MEGF10: variants seen among roughly 807,000 people sequenced by gnomAD.
MEGF10 encodes the protein multiple epidermal growth factor-like domains protein 10.
A neutral mutation model predicts 147.5 loss-of-function variants in MEGF10; 86 were observed. The ratio of observed to expected loss-of-function variants is 0.58; its 90% CI spans 0.49 to 0.70. MEGF10 has a LOEUF of 0.70. Among genes scored for constraint, MEGF10 ranks in the 30% least tolerant of loss-of-function variants. The pLI, the probability that MEGF10 is intolerant of heterozygous loss-of-function variation, is 0.00. For synonymous variants in MEGF10, 478 were observed against 525.5 expected, an observed-to-expected ratio of 0.91 and a Z score of 1.24; for missense variants, 1,329 against 1,487.3, an observed-to-expected ratio of 0.89 and a Z score of 1.75.
intron 5 of MEGF10, among the ~76,000 whole-genome samples, chr5:127,375,162 T>C (rs1762978749): frequency 6.6e-6 from 1 of 152,232 alleles, no homozygotes; most frequent in Admixed American, 6.5e-5. Flanking sequence ...CTCCTTTTAC[T>C]GACATTAGGA....
chr5:127,292,658 G>A (rs1186019519), intron 1 of MEGF10, among the ~76,000 whole-genome samples: 1 of 152,214 alleles, frequency 6.6e-6, no homozygotes, highest in Non-Finnish European at 1.5e-5. Flanking sequence ...AATTTATAGG[G>A]TGGTGGGTCA....
the MEGF10 span, among the ~76,000 whole-genome samples, chr5:127,268,674 C>T: frequency 3.3e-5 from 5 of 152,184 alleles, no homozygotes; most frequent in Middle Eastern, 3.2e-3. Flanking sequence ...AGGGCATAGC[C>T]GAACAAAAGG....
the MEGF10 span, among the ~76,000 whole-genome samples, chr5:127,258,572 G>A: frequency 2.0e-5 from 3 of 152,128 alleles, no homozygotes; most frequent in East Asian, 1.9e-4. Context: ...CCCTTACCTA[G>A]TGCTAAGGTT....
At chr5:127,390,073 C>T (rs544991815) in intron 5 of MEGF10, among the ~76,000 whole-genome samples, 1 of 152,196 alleles carries the variant, frequency 6.6e-6, no homozygotes, top group East Asian at 1.9e-4. Context: ...CCTGGTTAAA[C>T]CAAATGAATA....
chr5:127,298,050 A>G (rs1030435848), intron 1 of MEGF10, among the ~76,000 whole-genome samples: 2 of 152,224 alleles, frequency 1.3e-5, no homozygotes, highest in East Asian at 1.9e-4. Context: ...AAATGCCACC[A>G]AATGTGTGGC....
At chr5:127,395,630 C>T (rs963376026) in intron 5 of MEGF10, among the ~76,000 whole-genome samples, 18 of 149,848 alleles carry the variant, frequency 1.2e-4, no homozygotes, top group African/African-American at 3.7e-4. Flanking sequence ...CTGCCAGCTC[C>T]GCCTCCCGGG....
chr5:127,447,685 G>A lies in MEGF10; in HGVS notation c.2856+1G>A. ...CAGGGACAGGATGACTGTCACGAAG[G>A]TGAGAGGAATTGGTTCAAGTCTTTG... On this transcript the variant is annotated splice_donor_variant, in intron 21 of 24. Transcript: ENST00000503335. LOFTEE classifies it high-confidence loss of function. The A allele has an allele frequency of 6.2e-7, 1 of 1,614,082 alleles. No individual in the cohort carries two copies. The highest frequency in any genetic ancestry group is 8.5e-7 in the Non-Finnish European group (1 of 1,179,958).
At chr5:127,322,255 A>G (rs1196648428) in intron 1 of MEGF10, among the ~76,000 whole-genome samples, 1 of 152,098 alleles carries the variant, frequency 6.6e-6, no homozygotes, top group East Asian at 1.9e-4. Flanking sequence ...ATCTCAAGCC[A>G]TAATATTCAT....
intron 13 of MEGF10, among the ~76,000 whole-genome samples, chr5:127,430,495 C>T (rs962379446): frequency 3.3e-5 from 5 of 152,154 alleles, no homozygotes; most frequent in African/African-American, 9.7e-5. Flanking sequence ...GAAACACTTA[C>T]CCAACACTCT....
At chr5:127,322,236 C>G (rs1436251918) in intron 1 of MEGF10, among the ~76,000 whole-genome samples, 1 of 152,002 alleles carries the variant, frequency 6.6e-6, no homozygotes, top group Non-Finnish European at 1.5e-5. Flanking sequence ...GATGTTTCAC[C>G]TTGAGTAAAT....
chr5:127,406,377 T>C (rs553709620), intron 8 of MEGF10, among the ~76,000 whole-genome samples: 28 of 152,346 alleles, frequency 1.8e-4, no homozygotes, highest in African/African-American at 6.7e-4. Context: ...GCCAGTGACA[T>C]GATTCCTGTT....
intron 2 of MEGF10, among the ~76,000 whole-genome samples, chr5:127,335,791 C>T (rs556514919): frequency 6.6e-6 from 1 of 152,030 alleles, no homozygotes; most frequent in South Asian, 2.1e-4. Flanking sequence ...TAAAGAAGCA[C>T]AACAACATGC....
chr5:127,441,054 C>T (rs1455575022), intron 18 of MEGF10, among the ~76,000 whole-genome samples, 187 bp downstream of exon 18: 2 of 152,228 alleles, frequency 1.3e-5, no homozygotes, highest in Non-Finnish European at 2.9e-5. Flanking sequence ...TCGCTGGTTA[C>T]TCACTGCTCT....
intron 8 of MEGF10, among the ~76,000 whole-genome samples, chr5:127,406,105 C>A (rs1764310417): frequency 6.6e-6 from 1 of 152,064 alleles, no homozygotes; most frequent in South Asian, 2.1e-4. Flanking sequence ...ATATTTTAGG[C>A]CACTAAAATG....
At chr5:127,238,199 A>G in the MEGF10 span, among the ~76,000 whole-genome samples, 9 of 151,702 alleles carry the variant, frequency 5.9e-5, no homozygotes, top group Non-Finnish European at 1.3e-4. Context: ...GGGACTACAG[A>G]CATGCACCAC....
At chr5:127,282,048 T>C in the MEGF10 span, among the ~76,000 whole-genome samples, 8 of 152,218 alleles carry the variant, frequency 5.3e-5, no homozygotes, top group Admixed American at 4.6e-4. Context: ...TTGAAATGTG[T>C]GGGGAGAGTA....
At chr5:127,375,614 C>T (rs1762996057) in intron 5 of MEGF10, among the ~76,000 whole-genome samples, 1 of 152,080 alleles carries the variant, frequency 6.6e-6, no homozygotes, top group Non-Finnish European at 1.5e-5. Flanking sequence ...CTATTTTATC[C>T]CATCTCCTTC....
chr5:127,313,690 T>C (rs1760396388), intron 1 of MEGF10, among the ~76,000 whole-genome samples: 1 of 152,220 alleles, frequency 6.6e-6, no homozygotes, highest in Non-Finnish European at 1.5e-5. Flanking sequence ...AAATGTAAAA[T>C]CAGCAATGTA....
At chr5:127,359,512 C>G (rs1055005444) in intron 4 of MEGF10, among the ~76,000 whole-genome samples, 1 of 152,120 alleles carries the variant, frequency 6.6e-6, no homozygotes, top group Non-Finnish European at 1.5e-5. Context: ...AATGTTTCCT[C>G]ATACCCTTTT....
Sources: gnomAD v4.1 joint callset for allele counts (sites outside exome capture counted in the v4.1 genomes callset) on GRCh38, gnomAD v4.1.1 for gene constraint, MANE v1.5 for transcripts, NCBI Gene and HGNC (gene_info 2026-07-23, HGNC 2026-07-21) for gene names.